PTPRD: variants seen among roughly 807,000 people sequenced by gnomAD.
The protein encoded by PTPRD is receptor-type tyrosine-protein phosphatase delta.
In PTPRD, 34 loss-of-function variants were observed where a neutral mutation model predicts 214.5. The observed-to-expected ratio is 0.16, with a 90% confidence interval of 0.12 to 0.21. The LOEUF is 0.21. PTPRD is among the 10% of genes least tolerant of loss of function. PTPRD has a pLI of 1.00. For synonymous variants in PTPRD, 1,128 were observed against 845.7 expected (o/e 1.33, Z -5.79); for missense variants, 2,545 against 2,398.7 (o/e 1.06, Z -1.27).
intron 5 of PTPRD, among the ~76,000 whole-genome samples, chr9:9,868,437 G>T (rs1375633196): frequency 1.3e-5 from 2 of 152,026 alleles, no homozygotes; most frequent in Non-Finnish European, 2.9e-5. Flanking sequence ...CTAGTTATTG[G>T]TGTGAAAGAG....
At chr9:8,642,502 C>A (rs978245247) in intron 12 of PTPRD, among the ~76,000 whole-genome samples, 12 of 152,290 alleles carry the variant, frequency 7.9e-5, no homozygotes, top group African/African-American at 2.9e-4. Flanking sequence ...CAATCTGCTT[C>A]CTCCTTAAAA....
intron 2 of PTPRD, among the ~76,000 whole-genome samples, chr9:10,433,989 T>C (rs1053670551): frequency 3.3e-5 from 5 of 151,878 alleles, no homozygotes; most frequent in South Asian, 2.1e-4. Context: ...CAAAGACACC[T>C]GTGATATTTC....
At chr9:8,372,768 T>A (rs1471426810) in intron 39 of PTPRD, among the ~76,000 whole-genome samples, 1 of 152,034 alleles carries the variant, frequency 6.6e-6, no homozygotes, top group Non-Finnish European at 1.5e-5. Flanking sequence ...TTGTTAGAAT[T>A]TCTTTTACTT....
At chr9:9,923,526 G>C (rs1476264061) in intron 5 of PTPRD, among the ~76,000 whole-genome samples, 1 of 151,518 alleles carries the variant, frequency 6.6e-6, no homozygotes, top group Non-Finnish European at 1.5e-5. Context: ...TCCACACAAA[G>C]GTATATCAAG....
chr9:8,594,355 T>C (rs977929352), intron 14 of PTPRD, among the ~76,000 whole-genome samples: 1 of 152,218 alleles, frequency 6.6e-6, no homozygotes, highest in African/African-American at 2.4e-5. Context: ...AAAGTTTACT[T>C]TATCAAAGAT....
intron 8 of PTPRD, among the ~76,000 whole-genome samples, chr9:9,472,236 G>A (rs550987193): frequency 4.9e-5 from 6 of 122,390 alleles, no homozygotes; most frequent in Non-Finnish European, 9.5e-5. Flanking sequence ...TTGCTCTGTC[G>A]CCCAGGCCGG....
intron 10 of PTPRD, among the ~76,000 whole-genome samples, chr9:9,140,672 G>A (rs1226984542): frequency 2.6e-5 from 4 of 152,294 alleles, no homozygotes; most frequent in African/African-American, 2.4e-5. Context: ...TTCGCCTCCC[G>A]GGTTCACGCC....
chr9:9,317,097 A>G (rs1403657976), intron 9 of PTPRD, among the ~76,000 whole-genome samples: 26 of 152,060 alleles, frequency 1.7e-4, no homozygotes, highest in Non-Finnish European at 8.8e-5. Flanking sequence ...CTATCACAAT[A>G]TTTTCAATGT....
At chr9:8,556,553 A>ATTTTATATTTCTTTTTTTTTTTTTTTT (rs761184510) in intron 14 of PTPRD, among the ~76,000 whole-genome samples, 17 of 151,766 alleles carry the variant, frequency 1.1e-4, no homozygotes, top group African/African-American at 4.1e-4. Context: ...ATACTTGTGT[A>ATTTTATATTTCTTTTTTTTTTTTTTTT]TTTTATATTT....
chr9:9,693,024 G>A (rs1388694460), intron 7 of PTPRD, among the ~76,000 whole-genome samples: 1 of 152,032 alleles, frequency 6.6e-6, no homozygotes, highest in Non-Finnish European at 1.5e-5. Flanking sequence ...TTTTGGTAGA[G>A]TCTTTAGGAT....
At chr9:10,289,811 A>T (rs2095476760) in intron 3 of PTPRD, among the ~76,000 whole-genome samples, 1 of 152,196 alleles carries the variant, frequency 6.6e-6, no homozygotes, top group African/African-American at 2.4e-5. Flanking sequence ...GGATATGTAT[A>T]CAAGAAATTG....
chr9:8,652,451 C>T, intron 12 of PTPRD, among the ~76,000 whole-genome samples: 1 of 152,170 alleles, frequency 6.6e-6, no homozygotes, highest in East Asian at 1.9e-4. Flanking sequence ...TGGGCCCAGC[C>T]CCCTGCTATC....
intron 3 of PTPRD, among the ~76,000 whole-genome samples, chr9:10,135,839 C>A (rs1173487161): frequency 6.6e-6 from 1 of 151,616 alleles, no homozygotes; most frequent in Non-Finnish European, 1.5e-5. Flanking sequence ...CAAAAACAAC[C>A]AGCTAACACC....
At chr9:9,965,391 A>T (rs1354529244) in intron 4 of PTPRD, among the ~76,000 whole-genome samples, 1 of 152,144 alleles carries the variant, frequency 6.6e-6, no homozygotes, top group Non-Finnish European at 1.5e-5. Context: ...GCAGGTATAA[A>T]GACATGATAA....
rs373523191 is a variant in PTPRD, at chr9:8,382,745, CA to C, written c.4387-6020del. Among the ~76,000 whole-genome samples, 308 of 152,304 alleles carry C rather than the reference CA, an allele frequency of 2.0e-3. 1 individual carries two copies. Among genetic ancestry groups the C allele is most frequent in the African/African-American group, 6.9e-3 (285 of 41,576 alleles). Reference sequence around the variant, plus strand: ...ATTTACATTAAGTATCCACCACTTTCAAAAACAATCCCATACATCATGCAGA... The same window carrying C: ...ATTTACATTAAGTATCCACCACTTTCAAAACAATCCCATACATCATGCAGA... On this transcript the variant is annotated intron_variant, in intron 37 of 45. Coordinates refer to ENST00000381196, the MANE Select transcript of PTPRD (RefSeq NM_002839.4).
intron 3 of PTPRD, among the ~76,000 whole-genome samples, chr9:10,174,628 T>C (rs981921479): frequency 2.6e-5 from 4 of 152,040 alleles, no homozygotes; most frequent in Non-Finnish European, 4.4e-5. Flanking sequence ...GGAATTTAAA[T>C]TTTTTTACAT....
chr9:9,370,004 G>A (rs139659427), intron 9 of PTPRD, among the ~76,000 whole-genome samples: 4,940 of 152,154 alleles, frequency 0.032, 130 homozygotes, highest in Middle Eastern at 0.051. Flanking sequence ...CGATGTTTTC[G>A]TTACTGTAGC....
At chr9:9,491,468 T>C (rs138606149) in intron 8 of PTPRD, among the ~76,000 whole-genome samples, 38 of 152,058 alleles carry the variant, frequency 2.5e-4, no homozygotes, top group African/African-American at 7.2e-4. Flanking sequence ...AGAATACTCT[T>C]CCCAAAAACA....
chr9:8,327,173 T>C (rs952006345), intron 44 of PTPRD, among the ~76,000 whole-genome samples: 4 of 151,286 alleles, frequency 2.6e-5, no homozygotes, highest in Admixed American at 6.6e-5. Context: ...TTTAGTGCTA[T>C]AAATTTCTCT....
Sources: allele counts gnomAD v4.1 joint callset (sites outside exome capture counted in the v4.1 genomes callset), GRCh38; gene constraint gnomAD v4.1.1; transcripts MANE v1.5; gene names NCBI Gene and HGNC (gene_info 2026-07-23, HGNC 2026-07-21).